Variants in SPIDR observed in about 807,000 individuals in gnomAD.
SPIDR encodes the protein DNA repair-scaffolding protein.
Under a neutral mutation model 104.6 loss-of-function variants are expected in SPIDR, and 93 were observed. The observed-to-expected ratio is 0.89, with a 90% CI of 0.75 to 1.06. The LOEUF (loss-of-function observed/expected upper bound fraction) is 1.06, where lower values mean the gene tolerates loss of function less well. Among genes scored for constraint, SPIDR ranks in the 50% least tolerant of loss-of-function variants. SPIDR has a pLI of 0.00. For missense variants in SPIDR, 1,154 were observed against 1,111.2 expected, an observed-to-expected ratio of 1.04 and a Z score of -0.55; for synonymous variants, 431 against 416.9, an observed-to-expected ratio of 1.03 and a Z score of -0.41.
chr8:47,420,157 T>A (rs548058513), intron 7 of SPIDR, among the ~76,000 whole-genome samples: 1 of 152,310 alleles, frequency 6.6e-6, no homozygotes, highest in East Asian at 1.9e-4. Context: ...TGAGTTCAAT[T>A]CCTGGGTATC....
rs143400505 is a variant in SPIDR at position 47,631,049 on chromosome 8, G to A, written c.1544+31853G>A. ...AGGCAGAGGCCAGGATGAGGGCGTC[G>A]GAGGGAGGGACGGAGAGAGACAGCG... On this transcript the variant is annotated intron_variant, in intron 10 of 19. Coordinates refer to ENST00000297423, the MANE Select transcript of SPIDR (RefSeq NM_001080394.4). 9.0e-3 allele frequency among the ~76,000 whole-genome samples: 1,365 copies of A among 152,278 alleles called. 16 individuals carry two copies. Among genetic ancestry groups the A allele is most frequent in the Middle Eastern group, 0.014 (4 of 294 alleles).
chr8:47,422,343 C>A (rs1315160057), intron 7 of SPIDR, among the ~76,000 whole-genome samples: 1 of 152,162 alleles, frequency 6.6e-6, no homozygotes, highest in African/African-American at 2.4e-5. Flanking sequence ...TGCCCCCTTG[C>A]AGTTTGATTT....
chr8:47,699,430 GT>G, intron 11 of SPIDR, among the ~76,000 whole-genome samples: 1 of 152,308 alleles, frequency 6.6e-6, no homozygotes, highest in East Asian at 1.9e-4. Flanking sequence ...CCCCATCTCT[GT>G]TAACAAGGGG....
At chr8:47,357,842 A>T in intron 5 of SPIDR, 4 of 984,778 alleles carry the variant, frequency 4.1e-6, no homozygotes, top group Non-Finnish European at 4.8e-6. Flanking sequence ...CATACATGTT[A>T]ATCGTCTAGT....
At chr8:47,615,648 C>A (rs1426691881) in intron 10 of SPIDR, among the ~76,000 whole-genome samples, 1 of 151,846 alleles carries the variant, frequency 6.6e-6, no homozygotes, top group African/African-American at 2.4e-5. Flanking sequence ...CTCCACTAAA[C>A]CCCAGGCACT....
chr8:47,457,795 C>T, intron 8 of SPIDR, among the ~76,000 whole-genome samples: 1 of 152,100 alleles, frequency 6.6e-6, no homozygotes, highest in Non-Finnish European at 1.5e-5. Context: ...TCCAGTTTCT[C>T]ATTGTCTTAC....
At chr8:47,303,214 G>C (rs375140101) in intron 5 of SPIDR, among the ~76,000 whole-genome samples, 29,758 of 152,166 alleles carry the variant, frequency 0.2, 3,362 homozygotes, top group South Asian at 0.42. Flanking sequence ...AGCAATGAGC[G>C]AGGCTCCGTG....
chr8:47,586,758 G>GT lies in SPIDR; in HGVS notation c.1098-9045dup, dbSNP rs889769533. ...GTTTTGATAAGTTCTAGTTTATCAA[G>GT]TTTTTTTTGTTGTTGTTAGCTTGTT... On this transcript the variant is annotated intron_variant, in intron 8 of 19. Transcript: ENST00000297423. Among the ~76,000 whole-genome samples the GT allele has an allele frequency of 3.9e-5, 6 of 151,942 alleles. No individual in the cohort carries two copies. In the East Asian group the frequency reaches 5.8e-4, roughly 15 times the overall value.
intron 8 of SPIDR, among the ~76,000 whole-genome samples, chr8:47,455,617 C>A (rs2072810241): frequency 6.6e-6 from 1 of 151,882 alleles, no homozygotes; most frequent in Admixed American, 6.6e-5. Flanking sequence ...CACCTATAAG[C>A]CATCTACAAG....
At chr8:47,454,395 C>T (rs2072529193) in intron 8 of SPIDR, among the ~76,000 whole-genome samples, 1 of 151,822 alleles carries the variant, frequency 6.6e-6, no homozygotes, top group Admixed American at 6.6e-5. Context: ...CCAAACACCG[C>T]ATGTTCTCAC....
intron 12 of SPIDR, among the ~76,000 whole-genome samples, chr8:47,701,044 G>A (rs1302617780): frequency 6.6e-6 from 1 of 152,154 alleles, no homozygotes; most frequent in Non-Finnish European, 1.5e-5. Context: ...GCTGCTTTGG[G>A]CCAGAGGTCC....
Position 47,368,343 on chromosome 8 carries a change from C to CAAAAAA in SPIDR, c.526-27997_526-27992dup, listed in dbSNP as rs34106189. Among the ~76,000 whole-genome samples, 11 of 49,420 alleles carry CAAAAAA rather than the reference C, an allele frequency of 2.2e-4. 2 individuals are homozygous for CAAAAAA. The highest frequency in any genetic ancestry group is 3.3e-3 in the East Asian group (2 of 614). The allele number at this position is 49,420 out of a possible 152,430, so 32.4% of individuals were successfully genotyped here. A position where few individuals can be genotyped will look rare whatever the true frequency, so the allele number is the denominator to read the frequency against. The stretch of plus-strand genomic sequence containing the variant: ...ACAGAGTCAGAAGGAGTTGAGAAGT[C>CAAAAAA]AAAAAAAAAAAAAAAAAAAAAAAAA... On this transcript the variant is annotated intron_variant, in intron 5 of 19. Transcript: ENST00000297423.
chr8:47,450,963 G>A (rs1393633925), intron 8 of SPIDR, among the ~76,000 whole-genome samples: 1 of 152,140 alleles, frequency 6.6e-6, no homozygotes, highest in East Asian at 1.9e-4. Context: ...GATTCCCAGA[G>A]TTTTTATAAA....
chr8:47,566,005 T>A (rs1311410219), intron 8 of SPIDR, among the ~76,000 whole-genome samples: 7 of 95,506 alleles, frequency 7.3e-5, no homozygotes, highest in African/African-American at 1.0e-4. Context: ...TTTTTTTTTT[T>A]TTTTTTTTTT....
At chr8:47,472,811 G>T (rs531571534) in intron 8 of SPIDR, among the ~76,000 whole-genome samples, 1 of 152,192 alleles carries the variant, frequency 6.6e-6, no homozygotes, top group Admixed American at 6.5e-5. Flanking sequence ...TAAACTTATG[G>T]TTAAATATTA....
intron 8 of SPIDR, among the ~76,000 whole-genome samples, chr8:47,446,583 T>C (rs1189323614): frequency 2.2e-5 from 3 of 135,208 alleles, no homozygotes; most frequent in Non-Finnish European, 4.8e-5. Context: ...TAATGATTCC[T>C]TTTTTTTTTT....
At chr8:47,490,854 G>T (rs781849368) in intron 8 of SPIDR, among the ~76,000 whole-genome samples, 4 of 152,122 alleles carry the variant, frequency 2.6e-5, no homozygotes. Context: ...GCTAGGGTGC[G>T]GGGAGAGGGG....
At chr8:47,555,760 G>T (rs1324704518) in intron 8 of SPIDR, among the ~76,000 whole-genome samples, 2 of 152,182 alleles carry the variant, frequency 1.3e-5, no homozygotes, top group Non-Finnish European at 2.9e-5. Flanking sequence ...TTCTCGAGGG[G>T]ATGGGTATCA....
At chr8:47,506,523 T>G (rs1003072876) in intron 8 of SPIDR, among the ~76,000 whole-genome samples, 4 of 152,166 alleles carry the variant, frequency 2.6e-5, no homozygotes, top group African/African-American at 9.7e-5. Context: ...GCAAGGCTAA[T>G]ATCACCAATA....
Sources: allele counts gnomAD v4.1 joint callset (sites outside exome capture counted in the v4.1 genomes callset), GRCh38; gene constraint gnomAD v4.1.1; transcripts MANE v1.5; gene names NCBI Gene and HGNC (gene_info 2026-07-23, HGNC 2026-07-21).